RASA3: variants seen among roughly 807,000 people sequenced by gnomAD.
RASA3 encodes the protein RAS p21 protein activator 3.
A neutral mutation model predicts 110.0 loss-of-function variants in RASA3; 73 were observed. The ratio of observed to expected loss-of-function variants is 0.66; its 90% confidence interval spans 0.55 to 0.81. The LOEUF (loss-of-function observed/expected upper bound fraction) is 0.81, where lower values mean the gene tolerates loss of function less well. Among genes scored for constraint, RASA3 ranks in the 30% least tolerant of loss-of-function variants. The pLI, the probability that RASA3 is intolerant of heterozygous loss-of-function variation, is 0.00. For synonymous variants in RASA3, 500 were observed against 451.4 expected, an observed-to-expected ratio of 1.11 and a Z score of -1.37; for missense variants, 976 against 1,113.2, an observed-to-expected ratio of 0.88 and a Z score of 1.75.
intron 1 of RASA3, among the ~76,000 whole-genome samples, chr13:114,119,155 A>G (rs2080332637): frequency 1.3e-5 from 2 of 151,800 alleles, no homozygotes; most frequent in Admixed American, 6.6e-5. Context: ...ACAGAAATAC[A>G]CTTTATAAAG....
chr13:114,128,000 G>A (rs1315629918), intron 1 of RASA3, among the ~76,000 whole-genome samples: 1 of 152,172 alleles, frequency 6.6e-6, no homozygotes, highest in Non-Finnish European at 1.5e-5. Context: ...CAAGGCCCGG[G>A]CCCCAGGCTG....
intron 1 of RASA3, among the ~76,000 whole-genome samples, chr13:114,080,104 A>G (rs1363394469): frequency 1.3e-5 from 2 of 152,144 alleles, no homozygotes; most frequent in Non-Finnish European, 2.9e-5. Flanking sequence ...CACCTGCTCT[A>G]TCCTCACGCT....
chr13:113,980,174 T>C (rs1448841537), intron 23 of RASA3, among the ~76,000 whole-genome samples: 3 of 140,696 alleles, frequency 2.1e-5, no homozygotes, highest in Non-Finnish European at 1.5e-5. Context: ...CCCACGTGTG[T>C]GCACCTCCTC....
intron 20 of RASA3, 30 bp downstream of exon 20, chr13:113,999,555 G>A (rs773214366): frequency 4.1e-5 from 65 of 1,596,046 alleles, no homozygotes; most frequent in South Asian, 9.9e-5. Flanking sequence ...GCCTCAACCC[G>A]AAAGAGAGGC....
At chr13:114,003,695 C>T (rs1453709651) in intron 18 of RASA3, among the ~76,000 whole-genome samples, 2 of 152,154 alleles carry the variant, frequency 1.3e-5, no homozygotes, top group Non-Finnish European at 2.9e-5. Context: ...TTGTGTTAGA[C>T]GTACTCATAG....
chr13:114,007,698 T>A, intron 17 of RASA3, 92 bp from the exon 18 acceptor site: 1 of 1,026,302 alleles, frequency 9.7e-7, no homozygotes. Flanking sequence ...GGCTACTGCC[T>A]CCTTTGTAAT....
At chr13:114,030,263 G>A (rs2054122506) in intron 4 of RASA3, among the ~76,000 whole-genome samples, 1 of 152,248 alleles carries the variant, frequency 6.6e-6, no homozygotes, top group Admixed American at 6.5e-5. Context: ...CAGAGGGGAA[G>A]CACAGCTGTC....
chr13:113,982,888 T>C (rs919408215), intron 22 of RASA3, among the ~76,000 whole-genome samples: 1 of 152,206 alleles, frequency 6.6e-6, no homozygotes, highest in Admixed American at 6.5e-5. Context: ...GACCCGCAGT[T>C]AAACCAGCAC....
At chr13:114,029,928 G>T (rs747350443) in intron 4 of RASA3, 41 bp from the exon 5 acceptor site, 3 of 1,514,572 alleles carry the variant, frequency 2.0e-6, no homozygotes, top group Non-Finnish European at 1.8e-6. Context: ...CTGTGGCGCT[G>T]CTCCCACAGG....
At chr13:114,098,101 T>C (rs555634054) in intron 1 of RASA3, among the ~76,000 whole-genome samples, 5 of 152,044 alleles carry the variant, frequency 3.3e-5, no homozygotes, top group East Asian at 3.9e-4. Flanking sequence ...GAGGCCCAAG[T>C]GGACCCCAGG....
Position 114,057,593 on chromosome 13 carries a change from A to T in RASA3, c.174-5438T>A. ...AGGAAGGAAACCTCTCCCCACAATGACTGTGCACAGAGCCAGCCTGACACC... is the reference window on the plus strand; with the variant it reads ...AGGAAGGAAACCTCTCCCCACAATGTCTGTGCACAGAGCCAGCCTGACACC... On this transcript the variant is annotated intron_variant, in intron 2 of 23. Coordinates refer to ENST00000334062, the MANE Select transcript of RASA3 (RefSeq NM_007368.4). The surrounding 1 kb of genome is among the most constrained non-coding windows in gnomAD (Gnocchi z 5.0). 1.2e-6 allele frequency: 1 copy of T among 862,114 alleles called. No individual in the cohort carries two copies. Among genetic ancestry groups the T allele is most frequent in the Non-Finnish European group, 1.4e-6 (1 of 717,856 alleles). 53.4% of individuals were successfully genotyped at this position (862,114 alleles called of 1,614,324 possible).
chr13:114,001,326 C>G (rs1238604038), intron 18 of RASA3, among the ~76,000 whole-genome samples: 1 of 132,134 alleles, frequency 7.6e-6, no homozygotes, highest in African/African-American at 2.8e-5. Flanking sequence ...GGCCGCGGAC[C>G]TGGGATCAGG....
chr13:114,000,242 G>A (rs907618421), intron 19 of RASA3, among the ~76,000 whole-genome samples: 1 of 151,864 alleles, frequency 6.6e-6, no homozygotes, highest in Non-Finnish European at 1.5e-5. Context: ...TCTCCTTGGG[G>A]ATGATGGCTG....
At chr13:114,087,322 G>C (rs2079833051) in intron 1 of RASA3, among the ~76,000 whole-genome samples, 1 of 152,140 alleles carries the variant, frequency 6.6e-6, no homozygotes, top group Admixed American at 6.5e-5. Context: ...CTTCGTCCTT[G>C]TGGGGAAATC....
At chr13:114,001,462 C>T (rs1421143558) in intron 18 of RASA3, among the ~76,000 whole-genome samples, 61 of 129,814 alleles carry the variant, frequency 4.7e-4, no homozygotes, top group African/African-American at 1.6e-3. Flanking sequence ...GGGCAGTGGA[C>T]ACTCACGCAA....
chr13:114,018,903 G>A lies in RASA3; in HGVS notation c.802C>T (p.Arg268Trp), dbSNP rs1295384564. ...TTTAGGCTCTTGCTACCATTGTCCC[G>A]GGGCTGGAGGAAGTACCTGGGTGGG... ...SYEAWYFLQP[R>W]DNGSKSLKPD... Residue 268 changes from arginine (R) to tryptophan (W), a missense_variant, in exon 10 of 24, where the codon CGG becomes TGG. Coordinates refer to ENST00000334062, the MANE Select transcript of RASA3 (RefSeq NM_007368.4). 7 of 1,613,654 alleles carry A rather than the reference G, an allele frequency of 4.3e-6. No homozygotes were observed. The highest frequency in any genetic ancestry group is 1.7e-5 in the Admixed American group (1 of 59,998).
intron 1 of RASA3, among the ~76,000 whole-genome samples, chr13:114,097,238 A>T (rs986774564): frequency 6.6e-6 from 1 of 152,202 alleles, no homozygotes; most frequent in South Asian, 2.1e-4. Context: ...ACTGTCACTC[A>T]TCTCTGCTTC....
At chr13:114,118,089 C>T (rs1346800481) in intron 1 of RASA3, among the ~76,000 whole-genome samples, 1 of 152,136 alleles carries the variant, frequency 6.6e-6, no homozygotes, top group Non-Finnish European at 1.5e-5. Flanking sequence ...TAGCTCACCT[C>T]TGCAAGGAGG....
At chr13:113,995,198 G>A (rs976815121) in intron 21 of RASA3, among the ~76,000 whole-genome samples, 4 of 152,244 alleles carry the variant, frequency 2.6e-5, no homozygotes, top group Non-Finnish European at 5.9e-5. Flanking sequence ...GGTCGGCTGC[G>A]GGTGGGGACA....
Sources: allele counts gnomAD v4.1 joint callset (sites outside exome capture counted in the v4.1 genomes callset), GRCh38; gene constraint gnomAD v4.1.1; non-coding constraint Gnocchi (gnomAD v3.1); transcripts MANE v1.5; gene names NCBI Gene and HGNC (gene_info 2026-07-23, HGNC 2026-07-21).